EML1: variants seen among roughly 807,000 people sequenced by gnomAD.
The protein encoded by EML1 is EMAP like 1, also known as echinoderm microtubule-associated protein-like 1.
Under a neutral mutation model 110.4 loss-of-function variants are expected in EML1, and 27 were observed. The ratio of observed to expected loss-of-function variants is 0.24; its 90% CI spans 0.18 to 0.34. The LOEUF is 0.34. Ranked by LOEUF, EML1 falls within the 10% of genes least tolerant of loss-of-function variation. EML1 has a pLI of 1.00. For missense variants in EML1, 741 were observed against 1,030.9 expected (o/e 0.72, Z 3.85); for synonymous variants, 344 against 385.8 (o/e 0.89, Z 1.27).
At chr14:99,935,989 A>G (rs1566947383) in intron 17 of EML1, 40 bp from the exon 18 acceptor site, 13 of 1,587,984 alleles carry the variant, frequency 8.2e-6, no homozygotes, top group Middle Eastern at 1.7e-4. Context: ...CAAAATGTGT[A>G]TTGTTAACAT....
At chr14:99,780,556 TG>T (rs2057528482) in intron 1 of EML1, among the ~76,000 whole-genome samples, 1 of 152,198 alleles carries the variant, frequency 6.6e-6, no homozygotes, top group South Asian at 2.1e-4. Flanking sequence ...ATACTTTCCC[TG>T]GAAAGATGCT....
chr14:99,827,791 C>G lies in EML1; in HGVS notation c.68-23062C>G, dbSNP rs1391969170. Among the ~76,000 whole-genome samples, 1 of 152,108 alleles carries G rather than the reference C, an allele frequency of 6.6e-6. No homozygotes were observed. Among genetic ancestry groups the G allele is most frequent in the Non-Finnish European group, 1.5e-5 (1 of 68,020 alleles). ...TGTCCAGCCTCCAGGATTGTTTAAG[C>G]CCCCCAGTCTGTAGTACTTTGTTAT... On this transcript the variant is annotated intron_variant, in intron 1 of 21. Coordinates refer to ENST00000262233, the MANE Select transcript of EML1 (RefSeq NM_004434.3). The surrounding 1 kb of genome is among the most constrained non-coding windows in gnomAD (Gnocchi z 4.4).
At chr14:99,917,939 G>C in intron 16 of EML1, 90 bp downstream of exon 16, 1 of 1,332,022 alleles carries the variant, frequency 7.5e-7, no homozygotes, top group East Asian at 2.3e-5. Context: ...CCCCCGTTCA[G>C]CTCTTGGCTA....
chr14:99,919,427 C>CACACACACAG (rs775856871), intron 16 of EML1, among the ~76,000 whole-genome samples: 6,969 of 123,322 alleles, frequency 0.057, 242 homozygotes, highest in Non-Finnish European at 0.081. Flanking sequence ...TGCACACAGA[C>CACACACACAG]ACACACACAC....
At chr14:99,850,499 G>C (rs557352807) in intron 1 of EML1, among the ~76,000 whole-genome samples, 1 of 152,284 alleles carries the variant, frequency 6.6e-6, no homozygotes, top group African/African-American at 2.4e-5. Context: ...CTGGGTTTCT[G>C]CAGTGTGTGG....
chr14:99,807,100 A>G (rs2057990797), intron 1 of EML1, among the ~76,000 whole-genome samples: 1 of 152,118 alleles, frequency 6.6e-6, no homozygotes, highest in South Asian at 2.1e-4. Flanking sequence ...CATTTGCAGG[A>G]CTGTTTAAAG....
At chr14:99,754,306 C>T (rs1244940464) in intron 1 of EML1, among the ~76,000 whole-genome samples, 1 of 152,218 alleles carries the variant, frequency 6.6e-6, no homozygotes, top group African/African-American at 2.4e-5. Flanking sequence ...CGGGGTCGGC[C>T]AGGGCAAGGA....
chr14:99,825,358 T>G (rs1176892286), intron 1 of EML1, among the ~76,000 whole-genome samples: 1 of 152,178 alleles, frequency 6.6e-6, no homozygotes, highest in Non-Finnish European at 1.5e-5. Context: ...TTGTGAATAG[T>G]GCTGTGATGA....
intron 1 of EML1, chr14:99,850,140 T>G (rs1193682977): frequency 7.1e-6 from 3 of 420,578 alleles, no homozygotes; most frequent in South Asian, 3.9e-5. Flanking sequence ...AGTTTTGTCA[T>G]GTTGCCTAGG....
Position 99,940,812 on chromosome 14 carries a change from A to G in EML1, c.*700A>G, listed in dbSNP as rs11160563. 0.34 allele frequency: 52,188 copies of G among 151,992 alleles called. 9,378 individuals carry two copies. The highest frequency in any genetic ancestry group is 0.37 in the Non-Finnish European group (24,923 of 67,962). 9.4% of individuals were successfully genotyped at this position (151,992 alleles called of 1,614,324 possible). ...AACCAGATGCGGTCAGCCTCTTCACACCCACCTGGCTTGCATCCCCCATCC... is the reference window on the plus strand; with the variant it reads ...AACCAGATGCGGTCAGCCTCTTCACGCCCACCTGGCTTGCATCCCCCATCC... On this transcript the variant is annotated 3_prime_UTR_variant, in exon 22 of 22. Coordinates refer to ENST00000262233, the MANE Select transcript of EML1 (RefSeq NM_004434.3).
At chr14:99,921,483 G>A (rs1427103525) in intron 17 of EML1, among the ~76,000 whole-genome samples, 2 of 152,198 alleles carry the variant, frequency 1.3e-5, no homozygotes, top group Non-Finnish European at 2.9e-5. Context: ...TGGCATTTAG[G>A]GTTCTTTTCC....
rs528737367 is a variant in EML1, at chr14:99,749,189, G to A, written c.28+11329G>A. Reference sequence around the variant, plus strand: ...TGGGTGCACACCGGGAAGCGGGATCGCCGGATCATACGGTGACTCTATGTT... The same window carrying A: ...TGGGTGCACACCGGGAAGCGGGATCACCGGATCATACGGTGACTCTATGTT... On this transcript the variant is annotated intron_variant, in intron 1 of 10. Coordinates refer to the EML1 transcript ENST00000554479. 8.5e-5 allele frequency among the ~76,000 whole-genome samples: 13 copies of A among 152,294 alleles called. No homozygotes were observed. The South Asian group carries it at 2.1e-3, about 24-fold the overall frequency.
chr14:99,839,463 C>T, intron 1 of EML1, among the ~76,000 whole-genome samples: 1 of 152,162 alleles, frequency 6.6e-6, no homozygotes, highest in South Asian at 2.1e-4. Flanking sequence ...TATCATTGTA[C>T]AGAATTAAAC....
chr14:99,765,840 A>G (rs1256393250), intron 1 of EML1, among the ~76,000 whole-genome samples: 1 of 151,908 alleles, frequency 6.6e-6, no homozygotes, highest in Non-Finnish European at 1.5e-5. Flanking sequence ...CCCTGCCTCA[A>G]GTATCTGCTT....
intron 17 of EML1, among the ~76,000 whole-genome samples, chr14:99,935,237 G>A (rs1268376783): frequency 2.0e-5 from 3 of 152,166 alleles, no homozygotes; most frequent in African/African-American, 7.2e-5. Context: ...ACTTTGGGAG[G>A]CCAAGGCAGG....
intron 12 of EML1, among the ~76,000 whole-genome samples, chr14:99,910,967 A>G (rs1021218287): frequency 6.6e-5 from 10 of 152,166 alleles, no homozygotes; most frequent in Admixed American, 5.9e-4. Flanking sequence ...TGTAAATGCA[A>G]TTTCAGAAGC....
chr14:99,818,533 G>A (rs1305772457), intron 1 of EML1, among the ~76,000 whole-genome samples: 1 of 152,040 alleles, frequency 6.6e-6, no homozygotes, highest in African/African-American at 2.4e-5. Context: ...AGAGGTGAGG[G>A]GTGTGGGAAG....
intron 1 of EML1, among the ~76,000 whole-genome samples, chr14:99,763,961 TG>T (rs2057341431): frequency 6.6e-6 from 1 of 152,136 alleles, no homozygotes; most frequent in Non-Finnish European, 1.5e-5. Context: ...GGAAGGCAGC[TG>T]GGGGTGTGTT....
chr14:99,771,186 A>C (rs1566857731), upstream of EML1, among the ~76,000 whole-genome samples: 1 of 151,986 alleles, frequency 6.6e-6, no homozygotes, highest in African/African-American at 2.4e-5. Flanking sequence ...ATTAGAGTAT[A>C]TTTTTTGTCA....
Sources: gnomAD v4.1 joint callset for allele counts (sites outside exome capture counted in the v4.1 genomes callset) on GRCh38, gnomAD v4.1.1 for gene constraint, Gnocchi (gnomAD v3.1) non-coding constraint, MANE v1.5 for transcripts, NCBI Gene and HGNC (gene_info 2026-07-23, HGNC 2026-07-21) for gene names.